Variants in GRIP1 observed in about 807,000 individuals in gnomAD.
The protein encoded by GRIP1 is glutamate receptor-interacting protein 1.
In GRIP1, 45 loss-of-function variants were observed where a neutral mutation model predicts 129.9. That is an observed-to-expected ratio of 0.35 (90% CI 0.27 to 0.44). GRIP1 has a LOEUF of 0.44. Ranked by LOEUF, GRIP1 falls within the 20% of genes least tolerant of loss-of-function variation. The pLI, the probability that GRIP1 is intolerant of heterozygous loss-of-function variation, is 1.00. For missense variants in GRIP1, 1,196 were observed against 1,396.8 expected (o/e 0.86, Z 2.29); for synonymous variants, 530 against 520.8 (o/e 1.02, Z -0.24).
chr12:66,693,695 A>C (rs2035056611), intron 1 of GRIP1, among the ~76,000 whole-genome samples: 1 of 152,186 alleles, frequency 6.6e-6, no homozygotes, highest in Non-Finnish European at 1.5e-5. Flanking sequence ...GGACTCCCTA[A>C]AGCCCATTCA....
intron 1 of GRIP1, among the ~76,000 whole-genome samples, chr12:67,007,451 G>C (rs1167271323): frequency 1.3e-5 from 2 of 152,032 alleles, no homozygotes; most frequent in African/African-American, 4.8e-5. Flanking sequence ...AGGGCAGAAA[G>C]GTAATGCAAA....
At chr12:66,922,029 A>G (rs890966352) in intron 1 of GRIP1, among the ~76,000 whole-genome samples, 5 of 152,206 alleles carry the variant, frequency 3.3e-5, no homozygotes, top group African/African-American at 4.8e-5. Context: ...TATGAAATAA[A>G]TCATGCTTGT....
chr12:66,666,106 T>C (rs1251709472), intron 1 of GRIP1, among the ~76,000 whole-genome samples: 1 of 152,204 alleles, frequency 6.6e-6, no homozygotes, highest in Non-Finnish European at 1.5e-5. Context: ...CTGTAAAAAC[T>C]TATATTAATA....
At chr12:66,499,804 G>C (rs1039602385) in intron 7 of GRIP1, among the ~76,000 whole-genome samples, 3 of 152,110 alleles carry the variant, frequency 2.0e-5, no homozygotes, top group South Asian at 2.1e-4. Flanking sequence ...AGGAGTTCAA[G>C]ATCAGCCTGG....
chr12:66,956,858 C>T (rs977632605), intron 1 of GRIP1, among the ~76,000 whole-genome samples: 23 of 152,282 alleles, frequency 1.5e-4, no homozygotes, highest in Middle Eastern at 3.4e-3. Context: ...GCTGACATAA[C>T]ATATCTATAT....
In GRIP1 at chr12:66,889,140, G is replaced by A. The variant is rs1011753305; in HGVS notation, c.58+179910C>T. On this transcript the variant is annotated intron_variant, in intron 1 of 1. Coordinates refer to the GRIP1 transcript ENST00000643019. ...TAAGTCTAGTTGTTTGTCTGTGCAC[G>A]GATGTGGTACATACATTCCTTTTTA... is the stretch of plus-strand genomic sequence containing the variant. Among the ~76,000 whole-genome samples, 8 of 152,226 alleles carry A rather than the reference G, an allele frequency of 5.3e-5. No individual in the cohort carries two copies. In the East Asian group the frequency reaches 5.8e-4, roughly 11 times the overall value.
chr12:66,987,985 T>A (rs1005791893), intron 1 of GRIP1, among the ~76,000 whole-genome samples: 1 of 152,162 alleles, frequency 6.6e-6, no homozygotes, highest in Non-Finnish European at 1.5e-5. Flanking sequence ...AATAGGTAGT[T>A]ACCTAAGGTC....
intron 1 of GRIP1, among the ~76,000 whole-genome samples, chr12:66,665,048 G>A (rs2033719084): frequency 6.6e-6 from 1 of 151,844 alleles, no homozygotes; most frequent in Non-Finnish European, 1.5e-5. Flanking sequence ...GGGTCTTGCT[G>A]TGCCACCTAG....
At chr12:66,623,772 C>T (rs2065372757) in intron 1 of GRIP1, among the ~76,000 whole-genome samples, 1 of 152,094 alleles carries the variant, frequency 6.6e-6, no homozygotes, top group African/African-American at 2.4e-5. Flanking sequence ...AAAGACATTT[C>T]CTATTTGGTT....
chr12:66,935,256 C>G (rs1329041784), intron 1 of GRIP1, among the ~76,000 whole-genome samples: 1 of 152,098 alleles, frequency 6.6e-6, no homozygotes, highest in Non-Finnish European at 1.5e-5. Context: ...GTGTCTGGTC[C>G]TCATCCCAGG....
intron 1 of GRIP1, among the ~76,000 whole-genome samples, chr12:67,005,680 G>C (rs2042615870): frequency 6.6e-6 from 1 of 152,220 alleles, no homozygotes; most frequent in Admixed American, 6.5e-5. Context: ...GCCAGGCACT[G>C]CACTAGGCAT....
chr12:66,855,321 T>C (rs1038907456), intron 1 of GRIP1, among the ~76,000 whole-genome samples: 5 of 152,160 alleles, frequency 3.3e-5, no homozygotes, highest in Non-Finnish European at 5.9e-5. Context: ...TAGCTGGAAC[T>C]ATGTAGAGCA....
At chr12:66,404,603 C>T (rs1181746282) in intron 16 of GRIP1, among the ~76,000 whole-genome samples, 1 of 152,104 alleles carries the variant, frequency 6.6e-6, no homozygotes, top group Non-Finnish European at 1.5e-5. Context: ...TATTCCTAAA[C>T]CCGTTTATGC....
In GRIP1 at chr12:66,398,148, G is replaced by C. The variant is rs191208357; in HGVS notation, c.1985-3796C>G. Among the ~76,000 whole-genome samples, 21 of 152,168 alleles carry C rather than the reference G, an allele frequency of 1.4e-4. No individual in the cohort carries two copies. The East Asian group carries it at 4.1e-3, about 29-fold the overall frequency. ...TTCCTCCTAAACAGTTTTCCTGCTTGGGATCCAGCCTTTGCCCCTCCTCCC... is the reference window on the plus strand; with the variant it reads ...TTCCTCCTAAACAGTTTTCCTGCTTCGGATCCAGCCTTTGCCCCTCCTCCC... On this transcript the variant is annotated intron_variant, in intron 16 of 24. Coordinates refer to ENST00000359742, the MANE Select transcript of GRIP1 (RefSeq NM_001366722.1).
intron 1 of GRIP1, among the ~76,000 whole-genome samples, chr12:66,878,223 TAC>T (rs575546616): frequency 6.6e-6 from 1 of 151,948 alleles, no homozygotes; most frequent in Non-Finnish European, 1.5e-5. Flanking sequence ...CTGCAGGACA[TAC>T]ACACACAAAT....
At chr12:66,531,135 T>C (rs2061430223) in intron 4 of GRIP1, among the ~76,000 whole-genome samples, 2 of 150,690 alleles carry the variant, frequency 1.3e-5, no homozygotes, top group African/African-American at 2.4e-5. Context: ...CTTTGGAGGC[T>C]GAGGCAGGAG....
intron 23 of GRIP1, among the ~76,000 whole-genome samples, chr12:66,355,310 TA>T (rs139737131): frequency 6.6e-6 from 1 of 152,134 alleles, no homozygotes; most frequent in Non-Finnish European, 1.5e-5. Context: ...GATAGAGTGA[TA>T]AAAAAAGTAG....
chr12:66,387,340 T>G (rs749483672), intron 19 of GRIP1, among the ~76,000 whole-genome samples: 26 of 152,190 alleles, frequency 1.7e-4, no homozygotes, highest in Non-Finnish European at 1.0e-4. Flanking sequence ...GGAATTCTGT[T>G]TTGTGAGCAG....
chr12:66,683,073 C>T (rs899453079), upstream of GRIP1, among the ~76,000 whole-genome samples: 2 of 151,940 alleles, frequency 1.3e-5, no homozygotes, highest in African/African-American at 4.8e-5. Context: ...AACACATACA[C>T]AGTTATTAAA....
Sources: allele counts gnomAD v4.1 joint callset (sites outside exome capture counted in the v4.1 genomes callset), GRCh38; gene constraint gnomAD v4.1.1; transcripts MANE v1.5; gene names NCBI Gene and HGNC (gene_info 2026-07-23, HGNC 2026-07-21).